Variants in F13A1 observed in about 807,000 individuals in gnomAD.
F13A1 encodes the protein coagulation factor XIII A chain.
F13A1 carries 47 observed loss-of-function variants against 80.1 expected under a neutral mutation model. The observed-to-expected ratio is 0.59, with a 90% CI of 0.46 to 0.75. The LOEUF (loss-of-function observed/expected upper bound fraction) is 0.75, where lower values mean the gene tolerates loss of function less well. F13A1 is among the 30% of genes least tolerant of loss of function. The pLI is 0.00. For missense variants in F13A1, 817 were observed against 930.4 expected, an observed-to-expected ratio of 0.88 and a Z score of 1.59; for synonymous variants, 349 against 344.9, an observed-to-expected ratio of 1.01 and a Z score of -0.13.
At chr6:6,268,093 C>T (rs1201914198) in intron 3 of F13A1, among the ~76,000 whole-genome samples, 2 of 152,184 alleles carry the variant, frequency 1.3e-5, no homozygotes, top group African/African-American at 2.4e-5. Context: ...ACTTTGAATC[C>T]AGTCATAACC....
intron 3 of F13A1, 63 bp downstream of exon 3, chr6:6,305,288 T>C (rs763388694): frequency 6.4e-7 from 1 of 1,572,432 alleles, no homozygotes; most frequent in Non-Finnish European, 8.8e-7. Flanking sequence ...ACTGTGCCTG[T>C]ACCCACCTCT....
chr6:6,207,372 C>T (rs1761515401), intron 8 of F13A1, among the ~76,000 whole-genome samples: 1 of 152,194 alleles, frequency 6.6e-6, no homozygotes, highest in African/African-American at 2.4e-5. Flanking sequence ...CATTCTGAAT[C>T]AGCCCTATTC....
Position 6,305,543 on chromosome 6 carries a change from T to C in F13A1, c.131-4A>G. The C allele has an allele frequency of 1.2e-6, 2 of 1,614,072 alleles. No individual in the cohort carries two copies. Among genetic ancestry groups the C allele is most frequent in the East Asian group, 2.2e-5 (1 of 44,888 alleles). On this transcript the variant is annotated splice_polypyrimidine_tract_variant and splice_region_variant and intron_variant, in intron 2 of 14. Coordinates refer to ENST00000264870, the MANE Select transcript of F13A1 (RefSeq NM_000129.4). ...ACGCTCGTGACATTAAGAAACTCTA[T>C]GAACAAGAAAAACAAGGGTTGAAGA...
intron 3 of F13A1, among the ~76,000 whole-genome samples, chr6:6,293,006 G>A (rs546829588): frequency 3.9e-4 from 59 of 152,312 alleles, no homozygotes; most frequent in African/African-American, 1.3e-3. Context: ...CTGATAAGTG[G>A]GGTGGGGCAT....
chr6:6,185,287 C>G (rs531254420), intron 10 of F13A1, among the ~76,000 whole-genome samples: 93 of 127,226 alleles, frequency 7.3e-4, no homozygotes, highest in South Asian at 2.8e-3. Flanking sequence ...CCCCTCCCCC[C>G]ACCCCACAAC....
chr6:6,288,890 C>T (rs374009181), intron 3 of F13A1, among the ~76,000 whole-genome samples: 1 of 152,058 alleles, frequency 6.6e-6, no homozygotes, highest in African/African-American at 2.4e-5. Context: ...TTTGCGTTTC[C>T]CTGATGATTA....
chr6:6,251,057 G>A, intron 4 of F13A1, 128 bp from the exon 5 acceptor site: 1 of 777,406 alleles, frequency 1.3e-6, no homozygotes. Flanking sequence ...AATGCCCTTT[G>A]TTTCACCAAG....
chr6:6,186,059 T>C (rs1761075586), intron 10 of F13A1, among the ~76,000 whole-genome samples: 1 of 151,576 alleles, frequency 6.6e-6, no homozygotes, highest in African/African-American at 2.4e-5. Flanking sequence ...ACCCACTTTT[T>C]GATGGGGTTG....
intron 4 of F13A1, among the ~76,000 whole-genome samples, chr6:6,255,949 C>T (rs1381873930): frequency 2.0e-5 from 3 of 151,984 alleles, no homozygotes; most frequent in African/African-American, 4.8e-5. Context: ...AATTGTATCA[C>T]GATGGAAACT....
At chr6:6,320,281 C>G (rs1346664037) in intron 1 of F13A1, among the ~76,000 whole-genome samples, 1 of 152,232 alleles carries the variant, frequency 6.6e-6, no homozygotes, top group Non-Finnish European at 1.5e-5. Flanking sequence ...ATAATCTGCT[C>G]CCTGAGGAAA....
intron 8 of F13A1, chr6:6,206,369 A>AAATT: frequency 4.7e-6 from 2 of 423,854 alleles, no homozygotes; most frequent in South Asian, 3.5e-5. Flanking sequence ...TTGTAGGCAA[A>AAATT]AATTATGATT....
intron 11 of F13A1, among the ~76,000 whole-genome samples, chr6:6,177,773 G>A (rs1156622143): frequency 1.3e-5 from 2 of 152,198 alleles, no homozygotes; most frequent in Middle Eastern, 3.2e-3. Flanking sequence ...CAGCACACAG[G>A]TGCTCACCAC....
rs191049304 is a variant in F13A1, at chr6:6,253,400, G to T, written c.572-2471C>A. ...AAGCAATGTTAGCAGAAGCAAGTAG[G>T]GGTCTAAAATATGACTGCGCAGCTG... On this transcript the variant is annotated intron_variant, in intron 4 of 14. Coordinates refer to ENST00000264870, the MANE Select transcript of F13A1 (RefSeq NM_000129.4). Among the ~76,000 whole-genome samples, 810 of 152,282 alleles carry T rather than the reference G, an allele frequency of 5.3e-3. 5 individuals are homozygous for T. The highest frequency in any genetic ancestry group is 0.019 in the African/African-American group (769 of 41,556).
intron 3 of F13A1, among the ~76,000 whole-genome samples, chr6:6,303,702 C>T (rs1758469716): frequency 1.3e-5 from 2 of 152,132 alleles, no homozygotes; most frequent in Admixed American, 6.5e-5. Context: ...AAAATGTATA[C>T]AGAAAGACTT....
intron 14 of F13A1, among the ~76,000 whole-genome samples, chr6:6,150,669 T>C (rs1429541278): frequency 6.6e-6 from 1 of 152,206 alleles, no homozygotes; most frequent in Non-Finnish European, 1.5e-5. Flanking sequence ...TGAGGCAGTT[T>C]CCAAAGTCCT....
At chr6:6,244,471 C>T (rs923173487) in intron 6 of F13A1, among the ~76,000 whole-genome samples, 1 of 152,126 alleles carries the variant, frequency 6.6e-6, no homozygotes, top group African/African-American at 2.4e-5. Context: ...TATAATATCT[C>T]AGGCCTAATC....
intron 8 of F13A1, among the ~76,000 whole-genome samples, chr6:6,203,087 T>C (rs2151084357): frequency 6.6e-6 from 1 of 152,382 alleles, no homozygotes; most frequent in East Asian, 1.9e-4. Flanking sequence ...GCAGCCTAAC[T>C]GTCCAACATG....
intron 8 of F13A1, among the ~76,000 whole-genome samples, chr6:6,199,597 A>T (rs1413650983): frequency 1.3e-5 from 2 of 152,186 alleles, no homozygotes; most frequent in African/African-American, 4.8e-5. Context: ...ACAGCTAGTT[A>T]GTGATAGAGC....
At chr6:6,195,622 A>C (rs1406778087) in intron 10 of F13A1, among the ~76,000 whole-genome samples, 175 bp downstream of exon 10, 1 of 152,240 alleles carries the variant, frequency 6.6e-6, no homozygotes, top group East Asian at 1.9e-4. Context: ...ATGTTAAACA[A>C]GAACTGCATT....
Sources: allele counts gnomAD v4.1 joint callset (sites outside exome capture counted in the v4.1 genomes callset), GRCh38; gene constraint gnomAD v4.1.1; transcripts MANE v1.5; gene names NCBI Gene and HGNC (gene_info 2026-07-23, HGNC 2026-07-21).